The following LARS2 variants were observed in gnomAD, a reference collection of about 807,000 sequenced individuals.
LARS2 encodes the protein leucine--tRNA ligase, mitochondrial.
In LARS2, 81 loss-of-function variants were observed where a neutral mutation model predicts 116.6. The observed-to-expected ratio is 0.69, with a 90% CI of 0.58 to 0.84. The LOEUF is 0.84. Among genes scored for constraint, LARS2 ranks in the 40% least tolerant of loss-of-function variants. The pLI is 0.00. For missense variants in LARS2, 968 were observed against 1,114.5 expected (o/e 0.87, Z 1.87); for synonymous variants, 396 against 407.2 (o/e 0.97, Z 0.33).
rs1186736676 is a variant in LARS2 at position 45,419,688 on chromosome 3, A to T, written c.475A>T (p.Lys159Ter). 1 of 1,614,030 alleles carries T rather than the reference A, an allele frequency of 6.2e-7. No homozygotes were observed. Among genetic ancestry groups the T allele is most frequent in the South Asian group, 1.1e-5 (1 of 91,080 alleles). Residue 159 changes from lysine to a stop codon, truncating the protein, a stop_gained, in exon 6 of 22, where the codon AAA (lysine) becomes TAA (stop). Coordinates refer to ENST00000645846, the MANE Select transcript of LARS2 (RefSeq NM_015340.4). LOFTEE classifies it high-confidence loss of function. ...TCACAGTAATATTAAACACATGAGG[A>T]AACAGCTTGATCGTCTGGGCCTGTG... ...WTQSNIKHMR[K>*]QLDRLGLCFS...
chr3:45,484,544 T>A (rs1699760074), intron 10 of LARS2, among the ~76,000 whole-genome samples: 1 of 134,064 alleles, frequency 7.5e-6, no homozygotes, highest in East Asian at 2.2e-4. Flanking sequence ...GGTGGGAGTA[T>A]CACTTGAGAC....
At chr3:45,463,210 C>G (rs889272376) in intron 8 of LARS2, among the ~76,000 whole-genome samples, 1 of 152,214 alleles carries the variant, frequency 6.6e-6, no homozygotes, top group Non-Finnish European at 1.5e-5. Context: ...GAGAAGGCCT[C>G]CCATTTGAAT....
At chr3:45,436,797 C>T (rs1225226639) in intron 6 of LARS2, among the ~76,000 whole-genome samples, 1 of 51,908 alleles carries the variant, frequency 1.9e-5, no homozygotes, top group African/African-American at 4.7e-5. Context: ...CGAGACTCGT[C>T]TCAAAAAAAA....
At chr3:45,476,801 A>G (rs565077424) in intron 10 of LARS2, among the ~76,000 whole-genome samples, 174 bp downstream of exon 10, 23 of 152,278 alleles carry the variant, frequency 1.5e-4, no homozygotes, top group African/African-American at 5.5e-4. Context: ...AGCTCTGAAA[A>G]TATTTTTATT....
At chr3:45,545,397 A>AT (rs1280305177) in intron 21 of LARS2, among the ~76,000 whole-genome samples, 1 of 152,232 alleles carries the variant, frequency 6.6e-6, no homozygotes, top group Non-Finnish European at 1.5e-5. Flanking sequence ...GCCCCACAGC[A>AT]TAGCAGCCTC....
intron 21 of LARS2, 28 bp downstream of exon 21, chr3:45,541,984 C>T: frequency 6.2e-7 from 1 of 1,612,518 alleles, no homozygotes; most frequent in Non-Finnish European, 8.5e-7. Context: ...ACCCCAGAAC[C>T]CAGCAGTCCC....
intron 8 of LARS2, among the ~76,000 whole-genome samples, chr3:45,465,352 T>C (rs1389782892): frequency 6.6e-6 from 1 of 152,168 alleles, no homozygotes; most frequent in Non-Finnish European, 1.5e-5. Flanking sequence ...TCAGCCCTCC[T>C]CAGCATGATT....
chr3:45,476,472 A>G lies in LARS2; in HGVS notation c.863A>G (p.His288Arg), dbSNP rs751784781. The G allele has an allele frequency of 2.5e-6, 4 of 1,614,190 alleles. No individual in the cohort carries two copies. Among genetic ancestry groups the G allele is most frequent in the Admixed American group, 3.3e-5 (2 of 60,024 alleles). The change falls in exon 10 of 22, where the codon CAT becomes CGT. Residue 288 changes from histidine to arginine, a missense_variant. Transcript: ENST00000645846. ...ACTCTTCTTTCCTATCACCAGGTTCATGGGCAAGCCACGGGCGAAAAGCTG... is the reference window on the plus strand; with the variant it reads ...ACTCTTCTTTCCTATCACCAGGTTCGTGGGCAAGCCACGGGCGAAAAGCTG... ...GCHLDFTLKVHGQATGEKLTA... is the reference protein window; with the variant it reads ...GCHLDFTLKVRGQATGEKLTA...
chr3:45,418,423 T>C (rs939691644), intron 5 of LARS2, among the ~76,000 whole-genome samples: 1 of 152,238 alleles, frequency 6.6e-6, no homozygotes, highest in Non-Finnish European at 1.5e-5. Flanking sequence ...TAATGTTTAA[T>C]TCTAGATTAA....
At chr3:45,432,135 A>C (rs768255206) in intron 6 of LARS2, among the ~76,000 whole-genome samples, 6 of 152,212 alleles carry the variant, frequency 3.9e-5, no homozygotes, top group African/African-American at 1.4e-4. Context: ...TATGTACCTA[A>C]TAATAGTCCA....
chr3:45,446,549 C>A (rs1699021796), intron 6 of LARS2, among the ~76,000 whole-genome samples: 1 of 152,154 alleles, frequency 6.6e-6, no homozygotes, highest in Non-Finnish European at 1.5e-5. Context: ...AAGCATCAGG[C>A]CCCCAGTGTA....
intron 4 of LARS2, among the ~76,000 whole-genome samples, chr3:45,413,047 T>C (rs1256238188): frequency 1.3e-5 from 2 of 152,244 alleles, no homozygotes; most frequent in Non-Finnish European, 2.9e-5. Context: ...CTGCTGGGCC[T>C]CTTTTACTGA....
At chr3:45,532,239 A>G (rs950572381) in intron 20 of LARS2, among the ~76,000 whole-genome samples, 1 of 152,216 alleles carries the variant, frequency 6.6e-6, no homozygotes, top group Admixed American at 6.5e-5. Flanking sequence ...TGGGATGGAT[A>G]GTCTCTGTCA....
intron 4 of LARS2, among the ~76,000 whole-genome samples, chr3:45,408,578 CA>C (rs778540354): frequency 6.6e-5 from 10 of 152,200 alleles, no homozygotes; most frequent in Non-Finnish European, 1.5e-4. Flanking sequence ...CATTGGAGGA[CA>C]GGAGAAAGGG....
At chr3:45,532,680 C>T (rs1323308450) in intron 20 of LARS2, among the ~76,000 whole-genome samples, 1 of 152,082 alleles carries the variant, frequency 6.6e-6, no homozygotes, top group Non-Finnish European at 1.5e-5. Flanking sequence ...CACACTGTGT[C>T]GCCCAGGCTG....
At chr3:45,463,273 C>T (rs997832948) in intron 8 of LARS2, among the ~76,000 whole-genome samples, 7 of 152,264 alleles carry the variant, frequency 4.6e-5, no homozygotes, top group Non-Finnish European at 7.3e-5. Context: ...GCTGGCCCCT[C>T]TCGGCTGCAT....
At position 45,444,833 on chromosome 3, in the gene LARS2, A is replaced by G. The variant is rs930267781; in HGVS notation, c.517-2058A>G. ...ATGTGTTACATATATAATATATATTATGTGTTATATATTTACTAAAAGAAT... is the reference window on the plus strand; with the variant it reads ...ATGTGTTACATATATAATATATATTGTGTGTTATATATTTACTAAAAGAAT... On this transcript the variant is annotated intron_variant, in intron 6 of 21. Coordinates refer to ENST00000645846, the MANE Select transcript of LARS2 (RefSeq NM_015340.4). Among the ~76,000 whole-genome samples, 9 of 150,968 alleles carry G rather than the reference A, an allele frequency of 6.0e-5. No homozygotes were observed. The East Asian group carries it at 1.5e-3, about 26-fold the overall frequency.
intron 6 of LARS2, among the ~76,000 whole-genome samples, chr3:45,440,257 G>A (rs138072539): frequency 9.2e-5 from 14 of 152,326 alleles, no homozygotes; most frequent in Admixed American, 7.8e-4. Context: ...CCTTTGAGCT[G>A]TATTATGCTT....
At chr3:45,430,571 C>G (rs796392553) in intron 6 of LARS2, among the ~76,000 whole-genome samples, 1 of 142,642 alleles carries the variant, frequency 7.0e-6, no homozygotes, top group Non-Finnish European at 1.5e-5. Flanking sequence ...TGAGCCACTG[C>G]GCCCGGCCAA....
Sources: gnomAD v4.1 joint callset for allele counts (sites outside exome capture counted in the v4.1 genomes callset) on GRCh38, gnomAD v4.1.1 for gene constraint, MANE v1.5 for transcripts, NCBI Gene and HGNC (gene_info 2026-07-23, HGNC 2026-07-21) for gene names.